Variants in MEOX2 observed in about 807,000 individuals in gnomAD.
MEOX2 encodes mesenchyme homeobox 2.
MEOX2 carries 11 observed loss-of-function variants against 27.0 expected under a neutral mutation model. That is an observed-to-expected ratio of 0.41 (90% CI 0.26 to 0.68). MEOX2 has a LOEUF of 0.68. Ranked by LOEUF, MEOX2 falls within the 30% of genes least tolerant of loss-of-function variation. MEOX2 has a pLI of 0.33. For synonymous variants in MEOX2, 189 were observed against 155.4 expected, an observed-to-expected ratio of 1.22 and a Z score of -1.61; for missense variants, 436 against 385.4, an observed-to-expected ratio of 1.13 and a Z score of -1.10.
At chr7:15,644,327 T>C (rs1781610041) in intron 1 of MEOX2, among the ~76,000 whole-genome samples, 1 of 152,206 alleles carries the variant, frequency 6.6e-6, no homozygotes, top group Non-Finnish European at 1.5e-5. Context: ...TTCCTGTAGC[T>C]AGGATCTCAG....
intron 2 of MEOX2, among the ~76,000 whole-genome samples, chr7:15,625,542 A>G (rs1000029939): frequency 5.9e-5 from 9 of 152,210 alleles, no homozygotes; most frequent in Admixed American, 3.3e-4. Context: ...ATTGGATAAA[A>G]TAACTTGCTC....
chr7:15,640,653 G>T (rs1781545190), intron 1 of MEOX2, among the ~76,000 whole-genome samples: 1 of 152,144 alleles, frequency 6.6e-6, no homozygotes, highest in South Asian at 2.1e-4. Flanking sequence ...TATGATGTTA[G>T]TTGTGGGTTT....
intron 1 of MEOX2, among the ~76,000 whole-genome samples, chr7:15,658,938 T>G (rs1781865969): frequency 1.3e-5 from 2 of 152,222 alleles, no homozygotes. Context: ...CTAGCTATTC[T>G]GCCTCATCTT....
intron 1 of MEOX2, among the ~76,000 whole-genome samples, chr7:15,662,073 A>AC (rs1192112948): frequency 1.3e-5 from 1 of 77,664 alleles, no homozygotes; most frequent in African/African-American, 5.1e-5. Context: ...GTGTTCCCCC[A>AC]CCCCCCACCC....
intron 1 of MEOX2, among the ~76,000 whole-genome samples, chr7:15,635,991 G>T (rs1461885163): frequency 2.0e-5 from 3 of 151,972 alleles, no homozygotes; most frequent in Middle Eastern, 3.2e-3. Flanking sequence ...GAGTCAGATA[G>T]TGTGCTTGTG....
At chr7:15,626,275 G>A (rs761708217) in intron 2 of MEOX2, among the ~76,000 whole-genome samples, 1 of 152,118 alleles carries the variant, frequency 6.6e-6, no homozygotes, top group African/African-American at 2.4e-5. Flanking sequence ...TGTAGAGTTT[G>A]TATGGAGAGT....
chr7:15,682,032 C>T (rs1483388029), intron 1 of MEOX2: 3 of 151,694 alleles, frequency 2.0e-5, no homozygotes, highest in Non-Finnish European at 3.0e-5. Flanking sequence ...CATTTTAGAG[C>T]CCTCATGTAG....
At chr7:15,638,204 T>C (rs1182846057) in intron 1 of MEOX2, among the ~76,000 whole-genome samples, 4 of 152,118 alleles carry the variant, frequency 2.6e-5, no homozygotes, top group African/African-American at 9.7e-5. Flanking sequence ...GCAAGAGTTG[T>C]GTATGATTAC....
chr7:15,630,316 C>G (rs1263847515), intron 1 of MEOX2, among the ~76,000 whole-genome samples: 1 of 152,034 alleles, frequency 6.6e-6, no homozygotes, highest in East Asian at 1.9e-4. Flanking sequence ...TAGAACTTCT[C>G]CACATGTGAC....
At chr7:15,622,893 G>A (rs1304960083) in intron 2 of MEOX2, among the ~76,000 whole-genome samples, 1 of 152,090 alleles carries the variant, frequency 6.6e-6, no homozygotes, top group Non-Finnish European at 1.5e-5. Flanking sequence ...TATTAAAGAG[G>A]TCCCAGAGAG....
chr7:15,630,154 C>T (rs1397606658), intron 1 of MEOX2, among the ~76,000 whole-genome samples: 3 of 152,038 alleles, frequency 2.0e-5, no homozygotes, highest in African/African-American at 7.2e-5. Context: ...TCTCTCAGCG[C>T]TTCGAGGAAA....
chr7:15,686,606 G>A lies in MEOX2; in HGVS notation c.-204C>T. 1.7e-6 allele frequency: 1 copy of A among 587,598 alleles called. No homozygotes were observed. Among genetic ancestry groups the A allele is most frequent in the Non-Finnish European group, 3.0e-6 (1 of 332,360 alleles). The allele number at this position is 587,598 out of a possible 1,614,324, so 36.4% of individuals were successfully genotyped here. A position where few individuals can be genotyped will look rare whatever the true frequency, so the allele number is the denominator to read the frequency against. ...TACATATGAACAGTCGGACCTGGAA[G>A]AGCTTCCCTGAGCTACTCAGATGTC... On this transcript the variant is annotated 5_prime_UTR_variant, in exon 1 of 3. Transcript: ENST00000262041.
intron 1 of MEOX2, among the ~76,000 whole-genome samples, chr7:15,670,467 G>A (rs1157124999): frequency 6.6e-6 from 1 of 152,150 alleles, no homozygotes; most frequent in Non-Finnish European, 1.5e-5. Context: ...TTCAGTAGCT[G>A]AAGGGTAAGA....
intron 2 of MEOX2, among the ~76,000 whole-genome samples, chr7:15,625,291 G>C (rs891162779): frequency 6.6e-6 from 1 of 152,122 alleles, no homozygotes; most frequent in African/African-American, 2.4e-5. Flanking sequence ...TGTAGACTTT[G>C]GATCCTGCTT....
intron 2 of MEOX2, among the ~76,000 whole-genome samples, chr7:15,622,304 T>TA (rs1781233659): frequency 2.0e-5 from 3 of 152,176 alleles, no homozygotes; most frequent in Non-Finnish European, 4.4e-5. Flanking sequence ...TGTTTGCATA[T>TA]GTGTATATTT....
At chr7:15,680,896 C>T (rs899584008) in intron 1 of MEOX2, 9 of 151,344 alleles carry the variant, frequency 5.9e-5, no homozygotes, top group African/African-American at 1.9e-4. Flanking sequence ...AAATCATTTA[C>T]CAATACTATA....
Position 15,686,621 on chromosome 7 carries a change from A to T in MEOX2, c.-219T>A. On this transcript the variant is annotated 5_prime_UTR_variant, in exon 1 of 3. Coordinates refer to ENST00000262041, the MANE Select transcript of MEOX2 (RefSeq NM_005924.5). ...GGACCTGGAAGAGCTTCCCTGAGCT[A>T]CTCAGATGTCAAGAGTGGGAGAGGT... 1 of 569,916 alleles carries T rather than the reference A, an allele frequency of 1.8e-6. No homozygotes were observed. The highest frequency in any genetic ancestry group is 2.8e-5 in the East Asian group (1 of 35,188). The allele number at this position is 569,916 out of a possible 1,614,324, so 35.3% of individuals were successfully genotyped here. A position where few individuals can be genotyped will look rare whatever the true frequency, so the allele number is the denominator to read the frequency against.
intron 1 of MEOX2, among the ~76,000 whole-genome samples, chr7:15,675,825 T>C (rs187152599): frequency 5.2e-4 from 79 of 152,328 alleles, no homozygotes; most frequent in Admixed American, 2.7e-3. Context: ...GGACATTTAA[T>C]ATTTTGCTCT....
intron 2 of MEOX2, among the ~76,000 whole-genome samples, chr7:15,621,198 G>A (rs2087454864): frequency 6.6e-6 from 1 of 152,232 alleles, no homozygotes; most frequent in Non-Finnish European, 1.5e-5. Flanking sequence ...AAGGTTATAT[G>A]AGAATATGTT....
Sources: gnomAD v4.1 joint callset for allele counts (sites outside exome capture counted in the v4.1 genomes callset) on GRCh38, gnomAD v4.1.1 for gene constraint, MANE v1.5 for transcripts, NCBI Gene and HGNC (gene_info 2026-07-23, HGNC 2026-07-21) for gene names.